The following AP1AR variants were observed in gnomAD, a reference collection of about 807,000 sequenced individuals.
The protein encoded by AP1AR is adaptor related protein complex 1 associated regulatory protein, also known as AP-1 complex-associated regulatory protein.
In AP1AR, 29 loss-of-function variants were observed where a neutral mutation model predicts 46.3. The observed-to-expected ratio is 0.63, with a 90% CI of 0.47 to 0.85. The LOEUF (loss-of-function observed/expected upper bound fraction) is 0.85. Among genes scored for constraint, AP1AR ranks in the 40% least tolerant of loss-of-function variants. AP1AR has a pLI of 0.00. For missense variants in AP1AR, 357 were observed against 356.3 expected (o/e 1.00, Z -0.02); for synonymous variants, 122 against 122.9 (o/e 0.99, Z 0.05).
chr4:112,256,291 A>G (rs902691901), intron 3 of AP1AR, among the ~76,000 whole-genome samples: 69 of 152,314 alleles, frequency 4.5e-4, no homozygotes, highest in African/African-American at 1.6e-3. Flanking sequence ...ATTCCATTTC[A>G]TAGAACTTAC....
At chr4:112,258,955 C>A (rs901840400) in intron 4 of AP1AR, among the ~76,000 whole-genome samples, 1 of 152,026 alleles carries the variant, frequency 6.6e-6, no homozygotes, top group African/African-American at 2.4e-5. Context: ...GATCACCTAA[C>A]TGAGGTGGGG....
At chr4:112,262,931 A>C in intron 5 of AP1AR, 57 bp from the exon 6 acceptor site, 2 of 1,114,996 alleles carry the variant, frequency 1.8e-6, no homozygotes. Flanking sequence ...TTTTATTTTT[A>C]GAGCAGTTAG....
intron 5 of AP1AR, among the ~76,000 whole-genome samples, chr4:112,261,262 G>A (rs187135991): frequency 5.3e-5 from 8 of 151,986 alleles, no homozygotes; most frequent in African/African-American, 1.4e-4. Context: ...GCAAAACCCC[G>A]TCTCTACAAA....
chr4:112,247,702 T>C (rs1055038083), intron 1 of AP1AR, among the ~76,000 whole-genome samples: 1 of 152,248 alleles, frequency 6.6e-6, no homozygotes, highest in African/African-American at 2.4e-5. Flanking sequence ...GCTCTACTAT[T>C]ATAATAGCTT....
At chr4:112,248,773 A>C (rs933100054) in intron 1 of AP1AR, among the ~76,000 whole-genome samples, 2 of 152,294 alleles carry the variant, frequency 1.3e-5, no homozygotes, top group East Asian at 3.9e-4. Flanking sequence ...GACCCTGGCT[A>C]TCTCTCAGAC....
intron 1 of AP1AR, among the ~76,000 whole-genome samples, chr4:112,239,743 C>T (rs1303427454): frequency 6.6e-6 from 1 of 152,218 alleles, no homozygotes; most frequent in Non-Finnish European, 1.5e-5. Flanking sequence ...ACTTTGTTTT[C>T]CTTCATGGCG....
chr4:112,252,407 G>GT (rs757684768), intron 1 of AP1AR, among the ~76,000 whole-genome samples: 2 of 152,212 alleles, frequency 1.3e-5, no homozygotes, highest in East Asian at 1.9e-4. Context: ...TTTGGCAGCT[G>GT]TAACAGGAGC....
chr4:112,268,275 G>A lies in AP1AR; in HGVS notation c.775G>A (p.Glu259Lys). ...TSASDDSNGLEWENDFVSAEM... is the reference protein window; with the variant it reads ...TSASDDSNGLKWENDFVSAEM... The stretch of plus-strand genomic sequence containing the variant: ...AGCCTCTGATGATTCCAATGGGCTG[G>A]AGTGGGAAAATGATTTTGTTAGTGC... The change falls in exon 10 of 10, where the codon GAG becomes AAG. Residue 259 changes from glutamate to lysine, a missense_variant. Around this residue, in one of 2 missense-constraint regions of AP1AR, gnomAD observed 88 missense variants for 132.7 expected, o/e 0.66. Transcript: ENST00000274000. 6.2e-7 allele frequency: 1 copy of A among 1,613,274 alleles called. No homozygotes were observed. The highest frequency in any genetic ancestry group is 2.2e-5 in the East Asian group (1 of 44,856).
chr4:112,257,292 A>T (rs1417704903), intron 3 of AP1AR, among the ~76,000 whole-genome samples: 1 of 152,180 alleles, frequency 6.6e-6, no homozygotes, highest in Non-Finnish European at 1.5e-5. Flanking sequence ...GAGCAACTCA[A>T]AATTTTTACT....
Position 112,232,024 on chromosome 4 carries a change from C to A in AP1AR, c.-68C>A. 1 of 1,289,528 alleles carries A rather than the reference C, an allele frequency of 7.8e-7. No individual in the cohort carries two copies. The highest frequency in any genetic ancestry group is 1.0e-6 in the Non-Finnish European group (1 of 1,004,116). The allele number at this position is 1,289,528 out of a possible 1,614,324, so 79.9% of individuals were successfully genotyped here. A position where few individuals can be genotyped will look rare whatever the true frequency, so the allele number is the denominator to read the frequency against. ...TTCGGCTCGTGCCGTGCGGATGCAG[C>A]TGCCGGGCCTGGGTTTGGGCATTGA... On this transcript the variant is annotated 5_prime_UTR_variant, in exon 1 of 10. In the 5' UTR this introduces an upstream ATG that the reference lacks. Coordinates refer to ENST00000274000, the MANE Select transcript of AP1AR (RefSeq NM_018569.6).
At chr4:112,238,570 T>A (rs1041006756) in intron 1 of AP1AR, among the ~76,000 whole-genome samples, 2 of 152,242 alleles carry the variant, frequency 1.3e-5, no homozygotes, top group African/African-American at 4.8e-5. Flanking sequence ...CTCTTGGAAT[T>A]TCAGAAGATA....
At chr4:112,263,631 A>C (rs1046269334) in intron 6 of AP1AR, among the ~76,000 whole-genome samples, 1 of 152,148 alleles carries the variant, frequency 6.6e-6, no homozygotes, top group Non-Finnish European at 1.5e-5. Context: ...GAATATTATC[A>C]GAGAAGGCAG....
At chr4:112,261,058 C>CA (rs1186690487) in intron 5 of AP1AR, among the ~76,000 whole-genome samples, 196 bp downstream of exon 5, 1 of 151,996 alleles carries the variant, frequency 6.6e-6, no homozygotes, top group African/African-American at 2.4e-5. Flanking sequence ...CATATGCTGC[C>CA]AAAAAATGGA....
chr4:112,236,262 C>G (rs540469314), intron 1 of AP1AR, among the ~76,000 whole-genome samples: 1 of 152,168 alleles, frequency 6.6e-6, no homozygotes, highest in South Asian at 2.1e-4. Context: ...ACTACTCTCT[C>G]TATTGTAGCT....
chr4:112,260,012 T>C lies in AP1AR; in HGVS notation c.186-754T>C, dbSNP rs1560611325. Among the ~76,000 whole-genome samples, 4 of 152,256 alleles carry C rather than the reference T, an allele frequency of 2.6e-5. No homozygotes were observed. In the South Asian group the frequency reaches 6.2e-4, roughly 24 times the overall value. On this transcript the variant is annotated intron_variant, in intron 4 of 9. Coordinates refer to ENST00000274000, the MANE Select transcript of AP1AR (RefSeq NM_018569.6). ...TATGTGAAGATTTTTAATTTGGTAG[T>C]GTAGGATATGTGAAGGAATTGCCAC...
intron 2 of AP1AR, 175 bp downstream of exon 2, chr4:112,253,431 G>A (rs1225935288): frequency 1.0e-5 from 6 of 578,002 alleles, no homozygotes; most frequent in African/African-American, 1.9e-5. Context: ...GGAATGAGTA[G>A]GAAGAAGTTT....
rs2110496890 is a variant in AP1AR at position 112,268,453 on chromosome 4, A to G, written c.*44A>G. The G allele has an allele frequency of 6.6e-7, 1 of 1,518,802 alleles. No homozygotes were observed. The highest frequency in any genetic ancestry group is 2.3e-5 in the East Asian group (1 of 43,834). The allele number at this position is 1,518,802 out of a possible 1,614,324, so 94.1% of individuals were successfully genotyped here. On this transcript the variant is annotated 3_prime_UTR_variant, in exon 10 of 10. Transcript: ENST00000274000. ...TGTTTATCAGTTATGACCAAATGTTAAAAACCAACTAGAATGTATAAGTGA... is the reference window on the plus strand; with the variant it reads ...TGTTTATCAGTTATGACCAAATGTTGAAAACCAACTAGAATGTATAAGTGA...
At position 112,232,079 on chromosome 4, in the gene AP1AR, T is replaced by G; in HGVS notation, c.-13T>G. 1 of 1,350,322 alleles carries G rather than the reference T, an allele frequency of 7.4e-7. No homozygotes were observed. The highest frequency in any genetic ancestry group is 9.6e-7 in the Non-Finnish European group (1 of 1,042,950). 83.6% of individuals were successfully genotyped at this position (1,350,322 alleles called of 1,614,324 possible). ...GAGGAGGAGGAGGAGCGGCGGCGCC[T>G]GGGCGGCATGCGATGGGGAACTGCT... On this transcript the variant is annotated 5_prime_UTR_variant, in exon 1 of 10. Coordinates refer to ENST00000274000, the MANE Select transcript of AP1AR (RefSeq NM_018569.6).
At chr4:112,233,077 GT>G (rs1337353407) in intron 1 of AP1AR, among the ~76,000 whole-genome samples, 3 of 152,196 alleles carry the variant, frequency 2.0e-5, no homozygotes, top group Non-Finnish European at 4.4e-5. Context: ...AACCAAGCCA[GT>G]TTGTGTAAGG....
Sources: gnomAD v4.1 joint callset for allele counts (sites outside exome capture counted in the v4.1 genomes callset) on GRCh38, gnomAD v4.1.1 for gene constraint, gnomAD v4.1.1 regional missense constraint, MANE v1.5 for transcripts, NCBI Gene and HGNC (gene_info 2026-07-23, HGNC 2026-07-21) for gene names.